Variants in CES3 observed in about 807,000 individuals in gnomAD.
CES3 encodes the protein carboxylesterase 3, also known as carboxylesterase 3 (brain).
CES3 carries 49 observed loss-of-function variants against 57.6 expected under a neutral mutation model. That is an observed-to-expected ratio of 0.85 (90% confidence interval 0.68 to 1.08). The LOEUF (loss-of-function observed/expected upper bound fraction) is 1.08. Among genes scored for constraint, CES3 ranks in the 50% least tolerant of loss-of-function variants. The probability of loss-of-function intolerance (pLI) is 0.00; values close to 1 mark genes in which losing one functional copy is unlikely to be tolerated. For synonymous variants in CES3, 266 were observed against 281.6 expected, an observed-to-expected ratio of 0.94 and a Z score of 0.55; for missense variants, 645 against 742.0, an observed-to-expected ratio of 0.87 and a Z score of 1.52.
chr16:66,972,838 C>T lies in CES3; in HGVS notation c.1521-16C>T, dbSNP rs367941304. 2.5e-6 allele frequency: 4 copies of T among 1,613,778 alleles called. No homozygotes were observed. Among genetic ancestry groups the T allele is most frequent in the Non-Finnish European group, 3.4e-6 (4 of 1,179,868 alleles). On this transcript the variant is annotated splice_polypyrimidine_tract_variant and intron_variant, in intron 12 of 12. Transcript: ENST00000303334. ...AGCACAGGAAGCCTTGGTCCTCATT[C>T]ATTCCTCCCACCCAGGGACCCCAAT...
rs867497066 is a variant in CES3, at chr16:66,966,806, C to T, written c.1003C>T (p.His335Tyr). 8 of 1,614,160 alleles carry T rather than the reference C, an allele frequency of 5.0e-6. No homozygotes were observed. Among genetic ancestry groups the T allele is most frequent in the East Asian group, 2.2e-5 (1 of 44,882 alleles). Residue 335 changes from histidine to tyrosine, a missense_variant, in exon 8 of 13, where the codon CAC becomes TAC. Transcript: ENST00000303334. ...GGAACTCCTGAAGGAGAAGCCCTTC[C>T]ACTCTGTGCCCTTCCTCATGGGTGT... ...PKELLKEKPF[H>Y]SVPFLMGVNN...
Position 66,966,649 on chromosome 16 carries a change from C to T in CES3, c.922-76C>T. 1.9e-6 allele frequency: 3 copies of T among 1,578,092 alleles called. No individual in the cohort carries two copies. The South Asian group carries it at 3.3e-5, about 18-fold the overall frequency. ...CAGGCTCAGACACTCAGGCCTGCAGCTCAGTGGCTGCTGGGGTCCTAGCCT... is the reference window on the plus strand; with the variant it reads ...CAGGCTCAGACACTCAGGCCTGCAGTTCAGTGGCTGCTGGGGTCCTAGCCT... On this transcript the variant is annotated intron_variant, in intron 7 of 12. Transcript: ENST00000303334.
chr16:66,971,334 G>A lies in CES3; in HGVS notation c.1291+15G>A, dbSNP rs775995489. On this transcript the variant is annotated intron_variant, in intron 10 of 12. Coordinates refer to ENST00000303334, the MANE Select transcript of CES3 (RefSeq NM_024922.6). ...ATACCTTCGAGGTAAGCCTGTCCCT[G>A]GCCACCTGCCCAACCCCTCCCACTT... is the stretch of plus-strand genomic sequence containing the variant. The A allele has an allele frequency of 3.7e-6, 6 of 1,609,046 alleles. No homozygotes were observed. The East Asian group carries it at 1.3e-4, about 36-fold the overall frequency.
chr16:66,969,518 G>A (rs71647900), intron 8 of CES3, among the ~76,000 whole-genome samples, 161 bp from the exon 9 acceptor site: 310 of 152,316 alleles, frequency 2.0e-3, no homozygotes, highest in African/African-American at 6.7e-3. Context: ...ACCAATTTGC[G>A]GTTTATCTTT....
intron 8 of CES3, among the ~76,000 whole-genome samples, chr16:66,969,362 C>T (rs768471505): frequency 2.1e-4 from 32 of 151,994 alleles, no homozygotes; most frequent in Admixed American, 3.3e-4. Context: ...GCCGAGATTG[C>T]GCCACTGCAC....
intron 4 of CES3, 138 bp downstream of exon 4, chr16:66,964,073 C>A: frequency 4.6e-6 from 6 of 1,302,114 alleles, no homozygotes; most frequent in Non-Finnish European, 6.3e-6. Flanking sequence ...GAGAAGGGCA[C>A]CCCCCAAGCC....
At chr16:66,962,726 G>A (rs371858835) in intron 1 of CES3, among the ~76,000 whole-genome samples, 3 of 152,206 alleles carry the variant, frequency 2.0e-5, no homozygotes, top group East Asian at 3.9e-4. Context: ...ATGAAACCCC[G>A]TCTCTACTAA....
chr16:66,966,095 G>A, intron 6 of CES3, 149 bp from the exon 7 acceptor site: 2 of 658,534 alleles, frequency 3.0e-6, no homozygotes, highest in Non-Finnish European at 2.6e-6. Flanking sequence ...CTTCTCAGGA[G>A]TGGTGACAAG....
chr16:66,973,379 G>A lies in CES3; in HGVS notation c.*330G>A, dbSNP rs777504939. 23 of 259,082 alleles carry A rather than the reference G, an allele frequency of 8.9e-5. No individual in the cohort carries two copies. Among genetic ancestry groups the A allele is most frequent in the Admixed American group, 3.9e-4 (8 of 20,368 alleles). 16.0% of individuals were successfully genotyped at this position (259,082 alleles called of 1,614,324 possible). On this transcript the variant is annotated 3_prime_UTR_variant, in exon 13 of 13. Coordinates refer to ENST00000303334, the MANE Select transcript of CES3 (RefSeq NM_024922.6). ...CTGGGCTGTGCGGCCCCGAGTCTGC[G>A]TCCATTAGAGCACAGTCCACCCGAG...
chr16:66,971,737 T>C (rs1963837441), intron 10 of CES3, among the ~76,000 whole-genome samples: 1 of 152,178 alleles, frequency 6.6e-6, no homozygotes, highest in South Asian at 2.1e-4. Context: ...GCAAGATACC[T>C]ACCCCCTCTG....
At chr16:66,967,565 C>T in intron 8 of CES3, 1 of 985,448 alleles carries the variant, frequency 1.0e-6, no homozygotes, top group Non-Finnish European at 1.2e-6. Flanking sequence ...CCTTCCATTC[C>T]TTTCCAGGTG....
At chr16:66,969,790 G>A (rs761335479) in intron 9 of CES3, 31 bp downstream of exon 9, 2 of 1,586,544 alleles carry the variant, frequency 1.3e-6, no homozygotes, top group Admixed American at 1.8e-5. Context: ...GAGGAAGCTA[G>A]GGCAGGAGGG....
At chr16:66,964,058 A>G (rs1963694127) in intron 4 of CES3, 123 bp downstream of exon 4, 2 of 1,409,712 alleles carry the variant, frequency 1.4e-6, no homozygotes, top group Non-Finnish European at 1.9e-6. Context: ...ATGATGTCTG[A>G]GGCAGAGAAG....
At chr16:66,972,319 A>C (rs766438666) in intron 10 of CES3, 37 bp from the exon 11 acceptor site, 2 of 1,534,746 alleles carry the variant, frequency 1.3e-6, no homozygotes, top group East Asian at 4.6e-5. Flanking sequence ...GAATCAGGCC[A>C]TGAGTGCCTA....
chr16:66,972,320 T>C (rs1309145287), intron 10 of CES3, 36 bp from the exon 11 acceptor site: 3 of 1,535,488 alleles, frequency 2.0e-6, no homozygotes, highest in Non-Finnish European at 2.6e-6. Flanking sequence ...AATCAGGCCA[T>C]GAGTGCCTAA....
At chr16:66,967,374 C>A (rs1963749432) in intron 8 of CES3, 1 of 403,624 alleles carries the variant, frequency 2.5e-6, no homozygotes, top group Non-Finnish European at 3.4e-6. Flanking sequence ...TTTTGGGGAA[C>A]AAGGTTTTTG....
Position 66,973,312 on chromosome 16 carries a change from T to C in CES3, c.*263T>C. On this transcript the variant is annotated 3_prime_UTR_variant, in exon 13 of 13. Transcript: ENST00000303334. ...TAGGTTCTAGCACATTCCTCTAGCT[T>C]CCTGGAGGACTCACTCCCCCAGGAA... The C allele has an allele frequency of 2.5e-6, 1 of 400,228 alleles. No individual in the cohort carries two copies. The highest frequency in any genetic ancestry group is 4.6e-6 in the Non-Finnish European group (1 of 218,422). 24.8% of individuals were successfully genotyped at this position (400,228 alleles called of 1,614,324 possible).
Position 66,973,161 on chromosome 16 carries a change from T to A in CES3, c.*112T>A. 2 of 960,218 alleles carry A rather than the reference T, an allele frequency of 2.1e-6. No homozygotes were observed. Among genetic ancestry groups the A allele is most frequent in the Non-Finnish European group, 3.1e-6 (2 of 646,492 alleles). 59.5% of individuals were successfully genotyped at this position (960,218 alleles called of 1,614,324 possible). On this transcript the variant is annotated 3_prime_UTR_variant, in exon 13 of 13. Coordinates refer to ENST00000303334, the MANE Select transcript of CES3 (RefSeq NM_024922.6). ...TGAGACTTTAATCTCCACCAGCCCT[T>A]AAAGTGTCGGCCGCTCTGTGACTGG...
At chr16:66,966,679 G>C in intron 7 of CES3, 46 bp from the exon 8 acceptor site, 1 of 1,612,114 alleles carries the variant, frequency 6.2e-7, no homozygotes, top group Non-Finnish European at 8.5e-7. Context: ...TAGCCTTTGA[G>C]GCTTGGCCCT....
Sources: gnomAD v4.1 joint callset for allele counts (sites outside exome capture counted in the v4.1 genomes callset) on GRCh38, gnomAD v4.1.1 for gene constraint, MANE v1.5 for transcripts, NCBI Gene and HGNC (gene_info 2026-07-23, HGNC 2026-07-21) for gene names.